Variants in BTBD10 observed in about 807,000 individuals in gnomAD.
The protein encoded by BTBD10 is BTB domain containing 10, also known as BTB/POZ domain-containing protein 10.
A neutral mutation model predicts 53.2 loss-of-function variants in BTBD10; 21 were observed. The ratio of observed to expected loss-of-function variants is 0.39; its 90% CI spans 0.28 to 0.57. BTBD10 has a LOEUF of 0.57. Among genes scored for constraint, BTBD10 ranks in the 20% least tolerant of loss-of-function variants. BTBD10 has a pLI of 0.53. For missense variants in BTBD10, 360 were observed against 594.7 expected (o/e 0.61, Z 4.10); for synonymous variants, 149 against 192.7 (o/e 0.77, Z 1.88).
chr11:13,442,049 G>A (rs1473288960), intron 2 of BTBD10, among the ~76,000 whole-genome samples: 6 of 152,120 alleles, frequency 3.9e-5, no homozygotes, highest in East Asian at 1.9e-4. Flanking sequence ...TTGTGATAAT[G>A]AGAGGAAAGC....
intron 1 of BTBD10, among the ~76,000 whole-genome samples, chr11:13,457,153 C>A (rs1464629584): frequency 2.6e-5 from 4 of 151,544 alleles, no homozygotes; most frequent in African/African-American, 4.9e-5. Context: ...CAGAGTGAGA[C>A]CCTGTCTCAA....
chr11:13,423,456 C>A (rs1950280901), intron 2 of BTBD10, among the ~76,000 whole-genome samples: 1 of 152,140 alleles, frequency 6.6e-6, no homozygotes, highest in South Asian at 2.1e-4. Flanking sequence ...GACATAATTA[C>A]TCATGAAATG....
intron 1 of BTBD10, among the ~76,000 whole-genome samples, chr11:13,447,445 C>T (rs1950771257): frequency 6.6e-6 from 1 of 152,190 alleles, no homozygotes; most frequent in Non-Finnish European, 1.5e-5. Flanking sequence ...TTTTCCTTAA[C>T]TATCAGATAC....
chr11:13,462,303 T>C (rs894969872), intron 1 of BTBD10, among the ~76,000 whole-genome samples: 9 of 152,198 alleles, frequency 5.9e-5, no homozygotes, highest in Non-Finnish European at 1.3e-4. Context: ...ATAAAAAGCA[T>C]GAAAACTCTG....
chr11:13,399,238 G>T (rs2135752985), intron 8 of BTBD10, among the ~76,000 whole-genome samples: 1 of 152,250 alleles, frequency 6.6e-6, no homozygotes, highest in East Asian at 1.9e-4. Context: ...TGGAGGCTTT[G>T]TTCGTTTCTT....
At chr11:13,459,058 A>ATTTAT (rs1324587890) in intron 1 of BTBD10, among the ~76,000 whole-genome samples, 2 of 135,320 alleles carry the variant, frequency 1.5e-5, no homozygotes, top group African/African-American at 5.3e-5. Flanking sequence ...TTATTTATTT[A>ATTTAT]TTTTTTTTTT....
At chr11:13,397,824 T>G (rs1293623999) in intron 8 of BTBD10, among the ~76,000 whole-genome samples, 2 of 152,228 alleles carry the variant, frequency 1.3e-5, no homozygotes, top group Non-Finnish European at 2.9e-5. Context: ...AGGAGAAGGT[T>G]GTTCAGTTTC....
chr11:13,461,321 T>C (rs1256489403), intron 1 of BTBD10, among the ~76,000 whole-genome samples: 1 of 152,210 alleles, frequency 6.6e-6, no homozygotes, highest in Admixed American at 6.5e-5. Flanking sequence ...AAAATCTAGA[T>C]TTCCGAGTTC....
intron 8 of BTBD10, among the ~76,000 whole-genome samples, chr11:13,399,984 C>T (rs992766955): frequency 3.3e-5 from 5 of 152,222 alleles, no homozygotes; most frequent in Admixed American, 6.5e-5. Context: ...AGTTAGGCTA[C>T]TCGGGGCTCA....
At chr11:13,419,055 T>C (rs1950187593) in intron 4 of BTBD10, among the ~76,000 whole-genome samples, 1 of 152,068 alleles carries the variant, frequency 6.6e-6, no homozygotes, top group South Asian at 2.1e-4. Flanking sequence ...TATTGGGTTT[T>C]TTTTCCGCCT....
At chr11:13,392,268 C>G (rs564265159) in intron 8 of BTBD10, among the ~76,000 whole-genome samples, 15 of 152,244 alleles carry the variant, frequency 9.9e-5, no homozygotes, top group Admixed American at 9.8e-4. Flanking sequence ...TGAATGCCTT[C>G]CTTAATCTTC....
chr11:13,394,948 G>A (rs565613425), intron 8 of BTBD10, among the ~76,000 whole-genome samples: 1 of 151,460 alleles, frequency 6.6e-6, no homozygotes, highest in East Asian at 1.9e-4. Context: ...ATCATTGTTG[G>A]ACATTTGGGT....
intron 8 of BTBD10, among the ~76,000 whole-genome samples, chr11:13,398,831 G>A (rs1320833556): frequency 6.6e-6 from 1 of 152,076 alleles, no homozygotes; most frequent in Non-Finnish European, 1.5e-5. Context: ...TGAAATTCTG[G>A]GTTGAAAATT....
chr11:13,421,807 C>T lies in BTBD10; in HGVS notation c.133G>A (p.Asp45Asn), dbSNP rs201649072. 104 of 1,613,148 alleles carry T rather than the reference C, an allele frequency of 6.4e-5. No individual in the cohort carries two copies. The highest frequency in any genetic ancestry group is 4.2e-6 in the Non-Finnish European group (5 of 1,179,582). ...CCATGTAGACTCATTTTGGTGTGGT[C>T]AACTCCTCCTTTAGCAATACGCGAG... ...TSSRIAKGGV[D>N]HTKMSLHGAS... The change falls in exon 3 of 9, where the codon GAC becomes AAC. Residue 45 changes from aspartate (D) to asparagine (N), a missense_variant. Around this residue, in one of 6 missense-constraint regions of BTBD10, gnomAD observed 81 missense variants for 82.6 expected, o/e 0.98. Coordinates refer to ENST00000278174, the MANE Select transcript of BTBD10 (RefSeq NM_032320.7).
chr11:13,395,495 T>C (rs910594046), intron 8 of BTBD10, among the ~76,000 whole-genome samples: 1 of 152,354 alleles, frequency 6.6e-6, no homozygotes, highest in African/African-American at 2.4e-5. Context: ...AGGTTGCCTG[T>C]TCACTCTGAT....
At chr11:13,411,215 C>G (rs1228000852) in intron 6 of BTBD10, among the ~76,000 whole-genome samples, 2 of 152,146 alleles carry the variant, frequency 1.3e-5, no homozygotes, top group African/African-American at 4.8e-5. Flanking sequence ...CAGTCTCTGT[C>G]CTCAAGTCCA....
intron 2 of BTBD10, among the ~76,000 whole-genome samples, chr11:13,444,179 C>G (rs1242356966): frequency 6.6e-6 from 1 of 151,158 alleles, no homozygotes; most frequent in Non-Finnish European, 1.5e-5. Context: ...AGTACCTGAA[C>G]TATTTCTTTA....
chr11:13,412,961 G>A (rs574663813), intron 6 of BTBD10, among the ~76,000 whole-genome samples: 1 of 152,336 alleles, frequency 6.6e-6, no homozygotes, highest in South Asian at 2.1e-4. Flanking sequence ...AGTAGTGAGA[G>A]AAGAATACCA....
chr11:13,460,185 G>T (rs1235097626), intron 1 of BTBD10, among the ~76,000 whole-genome samples: 1 of 152,192 alleles, frequency 6.6e-6, no homozygotes, highest in Non-Finnish European at 1.5e-5. Context: ...TCCCATAGCA[G>T]TCCTGATTAA....
Sources: allele counts gnomAD v4.1 joint callset (sites outside exome capture counted in the v4.1 genomes callset), GRCh38; gene constraint gnomAD v4.1.1; regional missense constraint gnomAD v4.1.1; transcripts MANE v1.5; gene names NCBI Gene and HGNC (gene_info 2026-07-23, HGNC 2026-07-21).